The following COL23A1 variants were observed in gnomAD, a reference collection of about 807,000 sequenced individuals.
The protein encoded by COL23A1 is collagen type XXIII alpha 1 chain.
In COL23A1, 97 loss-of-function variants were observed where a neutral mutation model predicts 99.3. The observed-to-expected ratio is 0.98, with a 90% CI of 0.83 to 1.16. The LOEUF is 1.16. COL23A1 is among the 50% of genes most tolerant of loss of function. The pLI is 0.00. For missense variants in COL23A1, 762 were observed against 757.4 expected, an observed-to-expected ratio of 1.01 and a Z score of -0.07; for synonymous variants, 320 against 308.2, an observed-to-expected ratio of 1.04 and a Z score of -0.40.
intron 2 of COL23A1, among the ~76,000 whole-genome samples, chr5:178,500,812 G>C (rs1758486548): frequency 6.6e-6 from 1 of 151,750 alleles, no homozygotes; most frequent in South Asian, 2.1e-4. Flanking sequence ...CCTTAAACAA[G>C]AAACAAAAAG....
intron 2 of COL23A1, among the ~76,000 whole-genome samples, chr5:178,538,141 A>T (rs1300663806): frequency 6.6e-6 from 1 of 152,216 alleles, no homozygotes; most frequent in Non-Finnish European, 1.5e-5. Context: ...CTGAGCACAG[A>T]GGAGCTGAAG....
At chr5:178,368,953 A>G (rs1388940867) in intron 2 of COL23A1, among the ~76,000 whole-genome samples, 1 of 152,214 alleles carries the variant, frequency 6.6e-6, no homozygotes, top group Non-Finnish European at 1.5e-5. Context: ...GCAGCCTGAG[A>G]TGGGGTTGGG....
chr5:178,246,359 C>A (rs6872383), intron 23 of COL23A1, 32 bp downstream of exon 23: 1 of 1,566,748 alleles, frequency 6.4e-7, no homozygotes, highest in Non-Finnish European at 8.7e-7. Context: ...GGAATTAACA[C>A]CTTTGGGACA....
At chr5:178,323,854 C>G (rs140599817) in intron 2 of COL23A1, among the ~76,000 whole-genome samples, 2 of 152,174 alleles carry the variant, frequency 1.3e-5, no homozygotes, top group Non-Finnish European at 2.9e-5. Flanking sequence ...AGCATCAACC[C>G]TCCTTTGCAG....
chr5:178,513,691 G>T (rs1387892017), intron 2 of COL23A1, among the ~76,000 whole-genome samples: 2 of 151,992 alleles, frequency 1.3e-5, no homozygotes, highest in Admixed American at 1.3e-4. Flanking sequence ...CGGTTCCTAT[G>T]GGTGTAGGAC....
At chr5:178,411,705 T>G (rs62389407) in intron 2 of COL23A1, among the ~76,000 whole-genome samples, 22,211 of 152,192 alleles carry the variant, frequency 0.15, 1,750 homozygotes, top group Middle Eastern at 0.2. Flanking sequence ...TGCAGCTGGA[T>G]AAAGGTGGTG....
At chr5:178,268,851 C>CT in intron 6 of COL23A1, 95 bp from the exon 7 acceptor site, 1 of 1,318,066 alleles carries the variant, frequency 7.6e-7, no homozygotes, top group Non-Finnish European at 1.0e-6. Flanking sequence ...CAGAAGGGCC[C>CT]GTGATGCTGG....
In COL23A1 at chr5:178,384,290, C is replaced by CCGGCGA. The variant is rs1357678898; in HGVS notation, c.362-77377_362-77372dup. Among the ~76,000 whole-genome samples, 1 of 152,220 alleles carries CCGGCGA rather than the reference C, an allele frequency of 6.6e-6. No individual in the cohort carries two copies. The highest frequency in any genetic ancestry group is 1.5e-5 in the Non-Finnish European group (1 of 68,032). ...CCAGGGCAGTTCTCAAAACCTGGAT[C>CCGGCGA]CGGCGACGGAGGCCCGGCCTGGCCA... On this transcript the variant is annotated intron_variant, in intron 2 of 28. Transcript: ENST00000390654. This position sits in a 1 kb window ranked among gnomAD's most constrained non-coding sequence, Gnocchi z 5.5.
At chr5:178,355,820 A>T (rs1292584717) in intron 2 of COL23A1, among the ~76,000 whole-genome samples, 3 of 152,194 alleles carry the variant, frequency 2.0e-5, no homozygotes, top group Non-Finnish European at 4.4e-5. Flanking sequence ...AGCTGAATCC[A>T]CAGATGCAGA....
At chr5:178,436,993 T>C (rs1766598570) in intron 2 of COL23A1, among the ~76,000 whole-genome samples, 1 of 152,174 alleles carries the variant, frequency 6.6e-6, no homozygotes, top group Non-Finnish European at 1.5e-5. Context: ...GTGATCCCCC[T>C]CCCTAAGATC....
At chr5:178,261,670 G>A (rs1259945145) in intron 11 of COL23A1, 52 bp downstream of exon 11, 14 of 1,321,528 alleles carry the variant, frequency 1.1e-5, no homozygotes, top group Middle Eastern at 1.8e-4. Context: ...GGTGGTGGGG[G>A]AGTCCATCCC....
At position 178,589,861 on chromosome 5, in the gene COL23A1, C is replaced by A; in HGVS notation, c.294+43G>T. On this transcript the variant is annotated intron_variant, in intron 1 of 28. Transcript: ENST00000390654. This position sits in a 1 kb window ranked among gnomAD's most constrained non-coding sequence, Gnocchi z 5.4. Reference sequence around the variant, plus strand: ...TCCCAGCGTACCGCCACCCTCAACCCGACACACCCAAGTCCGCCCCAGCCA... The same window carrying A: ...TCCCAGCGTACCGCCACCCTCAACCAGACACACCCAAGTCCGCCCCAGCCA... 1.6e-6 allele frequency: 2 copies of A among 1,266,312 alleles called. No individual in the cohort carries two copies. Among genetic ancestry groups the A allele is most frequent in the South Asian group, 2.7e-5 (1 of 37,368 alleles). The allele number at this position is 1,266,312 out of a possible 1,614,324, so 78.4% of individuals were successfully genotyped here.
In COL23A1 at chr5:178,518,788, A is replaced by C. The variant is rs1275423748; in HGVS notation, c.361+41894T>G. On this transcript the variant is annotated intron_variant, in intron 2 of 28. Transcript: ENST00000390654. ...TCTCGGCACTTTGGGAGGCCAAGGC[A>C]GGCGGCTGCTCCTTGCCCTCGGGCC... Among the ~76,000 whole-genome samples the C allele has an allele frequency of 3.0e-4, 45 of 148,942 alleles. No individual in the cohort carries two copies. The South Asian group carries it at 9.5e-3, about 31-fold the overall frequency.
intron 2 of COL23A1, among the ~76,000 whole-genome samples, chr5:178,556,056 C>T (rs1022974306): frequency 1.3e-5 from 2 of 152,222 alleles, no homozygotes; most frequent in African/African-American, 4.8e-5. Context: ...TCACAGCACA[C>T]ACGCAGCCCT....
chr5:178,587,725 A>G (rs1372253878), intron 1 of COL23A1, among the ~76,000 whole-genome samples: 1 of 152,130 alleles, frequency 6.6e-6, no homozygotes, highest in Admixed American at 6.5e-5. Flanking sequence ...CTATACATCT[A>G]ATTAGAGTTA....
intron 2 of COL23A1, among the ~76,000 whole-genome samples, chr5:178,351,595 T>C (rs967761063): frequency 3.9e-5 from 6 of 152,004 alleles, no homozygotes; most frequent in Non-Finnish European, 7.4e-5. Flanking sequence ...GTCTGGAGTG[T>C]GGGGGAGACA....
At chr5:178,317,801 C>T (rs1759056894) in intron 2 of COL23A1, among the ~76,000 whole-genome samples, 1 of 152,158 alleles carries the variant, frequency 6.6e-6, no homozygotes. Flanking sequence ...TTAATGGACT[C>T]ATGTGGCTGA....
intron 2 of COL23A1, among the ~76,000 whole-genome samples, chr5:178,411,118 T>G (rs1765033852): frequency 1.3e-5 from 2 of 152,080 alleles, no homozygotes; most frequent in African/African-American, 4.8e-5. Flanking sequence ...CTAGGAAGGT[T>G]AAACCAACAA....
intron 1 of COL23A1, among the ~76,000 whole-genome samples, chr5:178,585,731 C>CT (rs1562115596): frequency 2.0e-4 from 1 of 4,908 alleles, no homozygotes; most frequent in East Asian, 4.4e-3. Flanking sequence ...GGTAACACTC[C>CT]ACAGCCCTGG....
Sources: allele counts gnomAD v4.1 joint callset (sites outside exome capture counted in the v4.1 genomes callset), GRCh38; gene constraint gnomAD v4.1.1; non-coding constraint Gnocchi (gnomAD v3.1); transcripts MANE v1.5; gene names NCBI Gene and HGNC (gene_info 2026-07-23, HGNC 2026-07-21).